The following LRIG1 variants were observed in gnomAD, a reference collection of about 807,000 sequenced individuals.
LRIG1 encodes the protein leucine-rich repeats and immunoglobulin-like domains protein 1.
A neutral mutation model predicts 99.2 loss-of-function variants in LRIG1; 48 were observed. The ratio of observed to expected loss-of-function variants is 0.48; its 90% CI spans 0.38 to 0.62. LRIG1 has a LOEUF of 0.62. Ranked by LOEUF, LRIG1 falls within the 20% of genes least tolerant of loss-of-function variation. LRIG1 has a pLI of 0.00. For missense variants in LRIG1, 1,646 were observed against 1,434.4 expected (o/e 1.15, Z -2.38); for synonymous variants, 772 against 596.1 (o/e 1.29, Z -4.30).
chr3:66,435,132 A>T (rs542725118), intron 3 of LRIG1, among the ~76,000 whole-genome samples: 1 of 152,368 alleles, frequency 6.6e-6, no homozygotes, highest in African/African-American at 2.4e-5. Flanking sequence ...CGACACATAC[A>T]ATAACCTAGA....
chr3:66,456,679 C>G (rs897959650), intron 2 of LRIG1, among the ~76,000 whole-genome samples: 1 of 152,146 alleles, frequency 6.6e-6, no homozygotes, highest in Non-Finnish European at 1.5e-5. Flanking sequence ...TACCATCCCC[C>G]GCACCCCTGC....
chr3:66,486,967 C>CA (rs992184912), intron 1 of LRIG1, among the ~76,000 whole-genome samples: 1 of 152,186 alleles, frequency 6.6e-6, no homozygotes, highest in Admixed American at 6.5e-5. Flanking sequence ...CCTTCGCCCT[C>CA]AAAGTAAAAA....
chr3:66,459,080 T>C (rs542468574), intron 2 of LRIG1, among the ~76,000 whole-genome samples: 1 of 152,252 alleles, frequency 6.6e-6, no homozygotes, highest in Non-Finnish European at 1.5e-5. Flanking sequence ...TGATGTCGTA[T>C]TCTCCAAAGG....
chr3:66,382,794 G>A (rs1239595725), intron 15 of LRIG1, among the ~76,000 whole-genome samples, 188 bp downstream of exon 15: 1 of 147,438 alleles, frequency 6.8e-6, no homozygotes, highest in Non-Finnish European at 1.5e-5. Flanking sequence ...CCTGTTTAAG[G>A]TTAAATTTGA....
chr3:66,495,579 T>TCTGACA (rs1701208148), intron 1 of LRIG1, among the ~76,000 whole-genome samples: 1 of 152,230 alleles, frequency 6.6e-6, no homozygotes, highest in Non-Finnish European at 1.5e-5. Context: ...AAAGAAAGAC[T>TCTGACA]CTGATACAAC....
intron 9 of LRIG1, chr3:66,404,323 G>A (rs1702183700): frequency 7.8e-7 from 1 of 1,288,700 alleles, no homozygotes; most frequent in African/African-American, 1.5e-5. Flanking sequence ...CGTCACTGGG[G>A]ACGGGCTGGG....
chr3:66,474,511 A>G (rs1700674424), intron 1 of LRIG1, among the ~76,000 whole-genome samples: 1 of 151,934 alleles, frequency 6.6e-6, no homozygotes, highest in African/African-American at 2.4e-5. Flanking sequence ...GCACCCAGCT[A>G]ATTCTTGTAT....
At chr3:66,409,851 G>C (rs1169042950) in intron 7 of LRIG1, 2 of 338,748 alleles carry the variant, frequency 5.9e-6, no homozygotes, top group Non-Finnish European at 1.1e-5. Context: ...AAACCCAACA[G>C]GACCTTGGGG....
chr3:66,408,913 AGTGTGTGTGTGTGTGTGTGTGTGT>A (rs55651719), intron 7 of LRIG1, among the ~76,000 whole-genome samples: 29 of 34,914 alleles, frequency 8.3e-4, no homozygotes, highest in African/African-American at 2.9e-3. Context: ...ACTCCAAGTC[AGTGTGTGTGTGTGTGTGTGTGTGT>A]GTGTGTGTGT....
intron 12 of LRIG1, chr3:66,387,640 C>G (rs1406881116): frequency 6.6e-6 from 1 of 151,808 alleles, no homozygotes; most frequent in Non-Finnish European, 1.5e-5. Flanking sequence ...TTTTAAATGC[C>G]CAATTTTCAA....
chr3:66,391,475 T>G (rs1701615990), intron 12 of LRIG1, among the ~76,000 whole-genome samples: 2 of 152,232 alleles, frequency 1.3e-5, no homozygotes, highest in South Asian at 4.1e-4. Flanking sequence ...AATGAAGTAC[T>G]GATACATGCT....
chr3:66,388,948 C>T (rs1701509646), intron 12 of LRIG1, among the ~76,000 whole-genome samples: 2 of 152,132 alleles, frequency 1.3e-5, no homozygotes, highest in Admixed American at 6.5e-5. Flanking sequence ...AAGGTAACTA[C>T]ACAGGTAATA....
chr3:66,411,128 C>G (rs1702450295), intron 6 of LRIG1, among the ~76,000 whole-genome samples: 2 of 152,138 alleles, frequency 1.3e-5, no homozygotes, highest in African/African-American at 4.8e-5. Flanking sequence ...GCTCTCAGGC[C>G]CACCGTGTAA....
chr3:66,413,780 C>T (rs1210141227), intron 5 of LRIG1, among the ~76,000 whole-genome samples: 1 of 152,204 alleles, frequency 6.6e-6, no homozygotes, highest in Admixed American at 6.5e-5. Context: ...AGACCTTCTC[C>T]ACAGACTGAA....
chr3:66,456,328 T>C (rs961256534), intron 2 of LRIG1, among the ~76,000 whole-genome samples: 7 of 152,176 alleles, frequency 4.6e-5, no homozygotes, highest in African/African-American at 1.7e-4. Flanking sequence ...CACACCTGTA[T>C]TCCAGCCCTT....
intron 9 of LRIG1, among the ~76,000 whole-genome samples, chr3:66,399,907 G>C (rs1189912483): frequency 1.3e-5 from 2 of 152,238 alleles, no homozygotes; most frequent in African/African-American, 2.4e-5. Context: ...GTCTGCACCT[G>C]AGATGTCCTG....
At chr3:66,497,741 C>CCACA (rs1234924211) in intron 1 of LRIG1, among the ~76,000 whole-genome samples, 19 of 129,208 alleles carry the variant, frequency 1.5e-4, no homozygotes, top group Non-Finnish European at 9.9e-5. Flanking sequence ...TCCCATAAAG[C>CCACA]CACAGGTCCT....
intron 13 of LRIG1, among the ~76,000 whole-genome samples, chr3:66,385,147 C>T (rs944835583): frequency 6.6e-6 from 1 of 152,142 alleles, no homozygotes; most frequent in Non-Finnish European, 1.5e-5. Flanking sequence ...ATCTACTCCC[C>T]ACCCCCCTCC....
At chr3:66,386,399 A>C in intron 12 of LRIG1, 98 bp from the exon 13 acceptor site, 2 of 1,035,128 alleles carry the variant, frequency 1.9e-6, no homozygotes, top group Non-Finnish European at 2.9e-6. Context: ...GACACCAAGC[A>C]GGAACCAGAG....
Sources: allele counts gnomAD v4.1 joint callset (sites outside exome capture counted in the v4.1 genomes callset), GRCh38; gene constraint gnomAD v4.1.1; transcripts MANE v1.5; gene names NCBI Gene and HGNC (gene_info 2026-07-23, HGNC 2026-07-21).